The following SHANK2 variants were observed in gnomAD, a reference collection of about 807,000 sequenced individuals.
SHANK2 encodes SH3 and multiple ankyrin repeat domains 2, also known as SH3 and multiple ankyrin repeat domains protein 2.
A neutral mutation model predicts 133.7 loss-of-function variants in SHANK2; 43 were observed. The observed-to-expected ratio is 0.32, with a 90% CI of 0.25 to 0.41. The LOEUF is 0.41. Among genes scored for constraint, SHANK2 ranks in the 10% least tolerant of loss-of-function variants. SHANK2 has a pLI of 1.00. For synonymous variants in SHANK2, 1,017 were observed against 952.8 expected (o/e 1.07, Z -1.24); for missense variants, 1,994 against 2,235.8 (o/e 0.89, Z 2.18).
At position 71,072,225 on chromosome 11, in the gene SHANK2, T is replaced by G. The variant is rs1434980794; in HGVS notation, c.1029+2934A>C. Among the ~76,000 whole-genome samples the G allele has an allele frequency of 5.1e-4, 73 of 143,856 alleles. 2 individuals carry two copies. The highest frequency in any genetic ancestry group is 2.5e-3 in the Admixed American group (36 of 14,612). The allele number at this position is 143,856 out of a possible 152,430, so 94.4% of individuals were successfully genotyped here. ...CAGGGCCCCTTCTCACCAGCTCCAC[T>G]CCACAGGCCGCCCCCACCACTTAAC... On this transcript the variant is annotated intron_variant, in intron 9 of 25. Transcript: ENST00000601538.
intron 14 of SHANK2, among the ~76,000 whole-genome samples, chr11:70,725,993 C>T (rs1555030560): frequency 6.6e-6 from 1 of 152,194 alleles, no homozygotes; most frequent in Admixed American, 6.5e-5. Flanking sequence ...TATGCGTGAA[C>T]TCACACACAC....
intron 17 of SHANK2, among the ~76,000 whole-genome samples, chr11:70,597,706 C>T (rs1260580938): frequency 6.6e-6 from 1 of 152,186 alleles, no homozygotes; most frequent in Non-Finnish European, 1.5e-5. Context: ...AACCTCATCC[C>T]TACTAAAAAT....
intron 3 of SHANK2, among the ~76,000 whole-genome samples, chr11:71,146,442 C>T (rs1565477957): frequency 6.6e-6 from 1 of 152,020 alleles, no homozygotes; most frequent in Non-Finnish European, 1.5e-5. Context: ...CCTTTACAGA[C>T]AGCCCCAGTT....
intron 9 of SHANK2, among the ~76,000 whole-genome samples, chr11:71,073,152 T>TTTTTTTTTTTTTTTTTG (rs1951168902): frequency 3.1e-5 from 1 of 31,800 alleles, no homozygotes; most frequent in Non-Finnish European, 1.2e-4. Context: ...CTTTTCTTTT[T>TTTTTTTTTTTTTTTTTG]TTTCTTTTTT....
At chr11:71,086,453 T>C (rs1176514691) in intron 8 of SHANK2, among the ~76,000 whole-genome samples, 1 of 134,638 alleles carries the variant, frequency 7.4e-6, no homozygotes, top group Non-Finnish European at 1.5e-5. Flanking sequence ...TATATTATAT[T>C]ATATATAATT....
intron 9 of SHANK2, among the ~76,000 whole-genome samples, chr11:71,060,931 C>T (rs1292489122): frequency 1.3e-5 from 2 of 152,348 alleles, no homozygotes; most frequent in South Asian, 2.1e-4. Context: ...CCATACTCTA[C>T]TAATTATTGC....
chr11:70,529,351 C>A (rs1399838216), intron 17 of SHANK2, among the ~76,000 whole-genome samples: 2 of 152,210 alleles, frequency 1.3e-5, no homozygotes, highest in Non-Finnish European at 2.9e-5. Flanking sequence ...TTGGCCAAGG[C>A]CACACAGCTG....
At chr11:70,765,553 G>A (rs571122105) in intron 14 of SHANK2, among the ~76,000 whole-genome samples, 3 of 152,230 alleles carry the variant, frequency 2.0e-5, no homozygotes, top group South Asian at 4.2e-4. Flanking sequence ...CTTAAAAGCC[G>A]TTAAATTTCT....
chr11:70,600,334 GC>G (rs1306500306), intron 17 of SHANK2, among the ~76,000 whole-genome samples: 1 of 147,608 alleles, frequency 6.8e-6, no homozygotes, highest in Non-Finnish European at 1.5e-5. Context: ...CATGAGAATT[GC>G]TTGAACCTGG....
chr11:71,248,804 C>T (rs189683006), intron 1 of SHANK2, among the ~76,000 whole-genome samples: 2 of 152,146 alleles, frequency 1.3e-5, no homozygotes, highest in Non-Finnish European at 2.9e-5. Flanking sequence ...TGTATCCCCC[C>T]ACCCCACCCC....
At chr11:71,085,967 TTA>T (rs1951396640) in intron 8 of SHANK2, among the ~76,000 whole-genome samples, 1 of 49,236 alleles carries the variant, frequency 2.0e-5, no homozygotes, top group South Asian at 8.0e-4. Context: ...ATGTTATATA[TTA>T]TATATATTAT....
intron 11 of SHANK2, among the ~76,000 whole-genome samples, chr11:70,852,946 T>C (rs1420523282): frequency 6.6e-6 from 1 of 152,150 alleles, no homozygotes; most frequent in Non-Finnish European, 1.5e-5. Flanking sequence ...TCCACATCAC[T>C]GTCAGCCAGA....
At chr11:70,590,803 G>A (rs2060311352) in intron 17 of SHANK2, among the ~76,000 whole-genome samples, 1 of 151,944 alleles carries the variant, frequency 6.6e-6, no homozygotes, top group African/African-American at 2.4e-5. Flanking sequence ...TCGCTTTAAT[G>A]TGGTATTTGC....
intron 3 of SHANK2, among the ~76,000 whole-genome samples, chr11:71,146,372 A>AAGAAG (rs1952644474): frequency 6.6e-6 from 1 of 152,040 alleles, no homozygotes; most frequent in African/African-American, 2.4e-5. Context: ...TCCTCTGCAC[A>AAGAAG]CGAAGCTCCC....
At chr11:71,152,565 C>T (rs1555108294) in intron 2 of SHANK2, among the ~76,000 whole-genome samples, 1 of 152,220 alleles carries the variant, frequency 6.6e-6, no homozygotes, top group Non-Finnish European at 1.5e-5. Flanking sequence ...TGCCGGCGGA[C>T]ATCTTCACCC....
chr11:70,574,164 ATCTC>A (rs1238661974), intron 17 of SHANK2, among the ~76,000 whole-genome samples: 2 of 152,222 alleles, frequency 1.3e-5, no homozygotes, highest in Admixed American at 6.5e-5. Context: ...CCCCTGCCCA[ATCTC>A]TCTTAGACCC....
chr11:70,622,196 C>G (rs1392119528), intron 17 of SHANK2, among the ~76,000 whole-genome samples: 1 of 152,162 alleles, frequency 6.6e-6, no homozygotes, highest in Non-Finnish European at 1.5e-5. Context: ...ATGGAATGGA[C>G]GTCTCCAATC....
chr11:70,582,555 C>T (rs1036966182), intron 17 of SHANK2, among the ~76,000 whole-genome samples: 18 of 152,280 alleles, frequency 1.2e-4, no homozygotes, highest in South Asian at 1.0e-3. Flanking sequence ...GGCTAGGCAG[C>T]GGGAGGATAC....
At chr11:71,135,346 C>T (rs1242320281) in intron 3 of SHANK2, among the ~76,000 whole-genome samples, 1 of 152,162 alleles carries the variant, frequency 6.6e-6, no homozygotes, top group African/African-American at 2.4e-5. Context: ...CCAGCTGCCC[C>T]CCAGGCGCTT....
Sources: gnomAD v4.1 joint callset for allele counts (sites outside exome capture counted in the v4.1 genomes callset) on GRCh38, gnomAD v4.1.1 for gene constraint, MANE v1.5 for transcripts, NCBI Gene and HGNC (gene_info 2026-07-23, HGNC 2026-07-21) for gene names.